The following AGTPBP1 variants were observed in gnomAD, a reference collection of about 807,000 sequenced individuals.
AGTPBP1 encodes the protein ATP/GTP binding carboxypeptidase 1.
AGTPBP1 carries 70 observed loss-of-function variants against 143.9 expected under a neutral mutation model. The observed-to-expected ratio is 0.49, with a 90% confidence interval of 0.40 to 0.59. The LOEUF (loss-of-function observed/expected upper bound fraction) is 0.59. Ranked by LOEUF, AGTPBP1 falls within the 20% of genes least tolerant of loss-of-function variation. AGTPBP1 has a pLI of 0.00. For synonymous variants in AGTPBP1, 463 were observed against 500.2 expected (o/e 0.93, Z 0.99); for missense variants, 1,229 against 1,464.5 (o/e 0.84, Z 2.62).
At chr9:85,764,811 A>T in the AGTPBP1 span, 1 of 1,340,352 alleles carries the variant, frequency 7.5e-7, no homozygotes, top group Non-Finnish European at 1.1e-6. Flanking sequence ...GCTGAGGAGA[A>T]AACAAAGATT....
intron 11 of AGTPBP1, among the ~76,000 whole-genome samples, chr9:85,649,259 G>A (rs951623437): frequency 6.6e-6 from 1 of 152,208 alleles, no homozygotes; most frequent in Non-Finnish European, 1.5e-5. Context: ...TAGAAGGAAA[G>A]AGTCTGCACA....
At chr9:85,756,311 A>C in the AGTPBP1 span, 2 of 1,451,272 alleles carry the variant, frequency 1.4e-6, no homozygotes, top group African/African-American at 2.9e-5. Context: ...CCCCACTAGG[A>C]TGGCTATAAT....
At chr9:85,558,947 C>T (rs1393369324) in intron 25 of AGTPBP1, among the ~76,000 whole-genome samples, 2 of 152,308 alleles carry the variant, frequency 1.3e-5, no homozygotes, top group African/African-American at 4.8e-5. Flanking sequence ...CATGCTCAAG[C>T]TTCAAATACT....
chr9:85,682,926 T>C (rs573208112), intron 3 of AGTPBP1, among the ~76,000 whole-genome samples: 3 of 152,350 alleles, frequency 2.0e-5, no homozygotes, highest in South Asian at 2.1e-4. Flanking sequence ...AGTATAATGT[T>C]ATTTATGACA....
chr9:85,790,400 C>G, the AGTPBP1 span, among the ~76,000 whole-genome samples: 8 of 152,072 alleles, frequency 5.3e-5, no homozygotes, highest in Admixed American at 5.2e-4. Context: ...TTGCCTACAC[C>G]AAGGTTGACT....
intron 17 of AGTPBP1, among the ~76,000 whole-genome samples, chr9:85,613,931 G>A (rs977023770): frequency 6.6e-5 from 10 of 151,830 alleles, no homozygotes; most frequent in Non-Finnish European, 1.5e-4. Flanking sequence ...ATCCAAGGGT[G>A]GCTTAATAAC....
chr9:85,764,928 A>C, the AGTPBP1 span: 6 of 1,009,368 alleles, frequency 5.9e-6, no homozygotes, highest in African/African-American at 1.6e-5. Context: ...CACCTGAAGT[A>C]AGTCAGTATT....
the AGTPBP1 span, among the ~76,000 whole-genome samples, chr9:85,751,947 G>C: frequency 4.0e-5 from 6 of 151,198 alleles, no homozygotes; most frequent in African/African-American, 7.3e-5. Flanking sequence ...TGTGGATGGA[G>C]GCTGGGCATG....
chr9:85,745,099 G>T (rs143683873), upstream of AGTPBP1, among the ~76,000 whole-genome samples: 1 of 152,244 alleles, frequency 6.6e-6, no homozygotes, highest in East Asian at 1.9e-4. Context: ...TTCATTTTTG[G>T]ACTAGTCATG....
At chr9:85,630,018 C>G (rs1831554721) in intron 14 of AGTPBP1, among the ~76,000 whole-genome samples, 1 of 152,140 alleles carries the variant, frequency 6.6e-6, no homozygotes, top group Non-Finnish European at 1.5e-5. Context: ...CAGTTTGAGG[C>G]AATTTAATAA....
At chr9:85,560,825 AAAAGAC>A (rs1488009363) in intron 25 of AGTPBP1, among the ~76,000 whole-genome samples, 2 of 152,194 alleles carry the variant, frequency 1.3e-5, no homozygotes, top group African/African-American at 4.8e-5. Flanking sequence ...ATAAGAGAAT[AAAAGAC>A]ACAGAGGATA....
At chr9:85,656,258 A>C (rs62569180) in intron 10 of AGTPBP1, among the ~76,000 whole-genome samples, 2,543 of 152,360 alleles carry the variant, frequency 0.017, 25 homozygotes, top group Middle Eastern at 0.054. Flanking sequence ...AGATGGTACT[A>C]TGATACACTG....
intron 9 of AGTPBP1, among the ~76,000 whole-genome samples, chr9:85,659,819 C>CCACACA (rs928564968): frequency 4.1e-4 from 62 of 152,152 alleles, no homozygotes; most frequent in African/African-American, 1.4e-3. Flanking sequence ...ACAGTTTGAA[C>CCACACA]CACAAACTCA....
At chr9:85,636,439 T>G (rs1832056524) in intron 13 of AGTPBP1, among the ~76,000 whole-genome samples, 1 of 152,014 alleles carries the variant, frequency 6.6e-6, no homozygotes, top group Non-Finnish European at 1.5e-5. Context: ...CTTTTTGTAT[T>G]TTTAGTAGAG....
intron 4 of AGTPBP1, among the ~76,000 whole-genome samples, chr9:85,680,827 A>G (rs1205288534): frequency 1.3e-5 from 2 of 152,216 alleles, no homozygotes; most frequent in Non-Finnish European, 2.9e-5. Context: ...TTCAATTATC[A>G]TCAATATAAT....
At chr9:85,569,283 A>G (rs56181753) in intron 25 of AGTPBP1, among the ~76,000 whole-genome samples, 1,718 of 152,296 alleles carry the variant, frequency 0.011, 32 homozygotes, top group African/African-American at 0.039. Context: ...AAATAGTACA[A>G]CATCCCCCAC....
intron 13 of AGTPBP1, 36 bp from the exon 14 acceptor site, chr9:85,633,410 T>A: frequency 7.0e-7 from 1 of 1,429,406 alleles, no homozygotes; most frequent in Non-Finnish European, 9.4e-7. Context: ...CTTTTAACTG[T>A]AAATATTAAA....
intron 11 of AGTPBP1, among the ~76,000 whole-genome samples, chr9:85,648,609 G>T (rs549540079): frequency 1.3e-5 from 2 of 152,132 alleles, no homozygotes; most frequent in Admixed American, 6.5e-5. Flanking sequence ...TCAGGAGATC[G>T]AGACCATCCT....
At chr9:85,677,678 A>G in intron 5 of AGTPBP1, 96 bp from the exon 6 acceptor site, 1 of 1,085,204 alleles carries the variant, frequency 9.2e-7, no homozygotes, top group Non-Finnish European at 1.3e-6. Flanking sequence ...GTTAGCATTC[A>G]AGAAATGGTT....
Sources: allele counts gnomAD v4.1 joint callset (sites outside exome capture counted in the v4.1 genomes callset), GRCh38; gene constraint gnomAD v4.1.1; transcripts MANE v1.5; gene names NCBI Gene and HGNC (gene_info 2026-07-23, HGNC 2026-07-21).